Variants in ZNF236 observed in about 807,000 individuals in gnomAD.
ZNF236 encodes zinc finger protein 236, also known as regulated by glucose.
A neutral mutation model predicts 191.2 loss-of-function variants in ZNF236; 50 were observed. That is an observed-to-expected ratio of 0.26 (90% CI 0.21 to 0.33). The LOEUF is 0.33. Among genes scored for constraint, ZNF236 ranks in the 10% least tolerant of loss-of-function variants. ZNF236 has a pLI of 1.00. For missense variants in ZNF236, 1,754 were observed against 2,374.5 expected, an observed-to-expected ratio of 0.74 and a Z score of 5.43; for synonymous variants, 907 against 928.8, an observed-to-expected ratio of 0.98 and a Z score of 0.43.
At chr18:76,839,555 G>C (rs896630543) in intron 1 of ZNF236, among the ~76,000 whole-genome samples, 36 of 152,170 alleles carry the variant, frequency 2.4e-4, no homozygotes, top group Admixed American at 1.8e-3. Context: ...GGCTGAGAGA[G>C]TTTATTTGGC....
At chr18:76,844,437 G>A (rs1231352074) in intron 1 of ZNF236, among the ~76,000 whole-genome samples, 3 of 152,082 alleles carry the variant, frequency 2.0e-5, no homozygotes, top group Non-Finnish European at 2.9e-5. Flanking sequence ...GGGTGACGGA[G>A]TAGGGTTCTG....
chr18:76,843,011 G>A (rs563067165), intron 1 of ZNF236, among the ~76,000 whole-genome samples: 1 of 152,316 alleles, frequency 6.6e-6, no homozygotes, highest in East Asian at 1.9e-4. Flanking sequence ...GGCTGGTGCT[G>A]TTACCCAGTC....
intron 25 of ZNF236, among the ~76,000 whole-genome samples, chr18:76,933,091 G>A (rs893513693): frequency 6.6e-6 from 1 of 152,190 alleles, no homozygotes; most frequent in Non-Finnish European, 1.5e-5. Context: ...ATGTTATGCA[G>A]CTGACATTTC....
intron 5 of ZNF236, 118 bp downstream of exon 5, chr18:76,871,943 CT>C: frequency 7.6e-7 from 1 of 1,312,448 alleles, no homozygotes; most frequent in South Asian, 1.4e-5. Flanking sequence ...GCTGGATAAT[CT>C]TGCTGAAATT....
At chr18:76,923,546 A>G (rs1402782352) in intron 21 of ZNF236, among the ~76,000 whole-genome samples, 1 of 152,252 alleles carries the variant, frequency 6.6e-6, no homozygotes, top group Non-Finnish European at 1.5e-5. Context: ...TTATCATTTC[A>G]TAATTATTTT....
At chr18:76,923,884 G>A (rs1967607352) in intron 21 of ZNF236, among the ~76,000 whole-genome samples, 1 of 152,156 alleles carries the variant, frequency 6.6e-6, no homozygotes, top group Non-Finnish European at 1.5e-5. Flanking sequence ...TTGGCCTTTG[G>A]TAAACACTTA....
chr18:76,930,644 C>T (rs996827773), intron 25 of ZNF236, among the ~76,000 whole-genome samples: 6 of 152,172 alleles, frequency 3.9e-5, no homozygotes, highest in Admixed American at 1.3e-4. Flanking sequence ...CACGGGAAAC[C>T]GCAGCATCGT....
rs376801516 is a variant in ZNF236, at chr18:76,875,668, A to G, written c.840+4A>G. 1 of 1,560,300 alleles carries G rather than the reference A, an allele frequency of 6.4e-7. No individual in the cohort carries two copies. Among genetic ancestry groups the G allele is most frequent in the Non-Finnish European group, 8.7e-7 (1 of 1,147,558 alleles). ...CGTGCAGCGAGTCCACTCAGAGGTAAACACGGGTTGGGGGCATAAGCGGTA... is the reference window on the plus strand; with the variant it reads ...CGTGCAGCGAGTCCACTCAGAGGTAGACACGGGTTGGGGGCATAAGCGGTA... On this transcript the variant is annotated splice_donor_region_variant and intron_variant, in intron 6 of 30. Transcript: ENST00000320610. This position sits in a 1 kb window ranked among gnomAD's most constrained non-coding sequence, Gnocchi z 4.3.
At chr18:76,950,021 T>G (rs1486056009) in intron 27 of ZNF236, among the ~76,000 whole-genome samples, 1 of 152,164 alleles carries the variant, frequency 6.6e-6, no homozygotes, top group Non-Finnish European at 1.5e-5. Flanking sequence ...CTAAAAATGC[T>G]AACGATCACC....
intron 25 of ZNF236, among the ~76,000 whole-genome samples, chr18:76,934,996 C>G (rs1967956281): frequency 6.6e-6 from 1 of 152,116 alleles, no homozygotes; most frequent in South Asian, 2.1e-4. Context: ...ACTTGTATTG[C>G]TCTATACATG....
At chr18:76,916,472 A>G (rs887538493) in intron 19 of ZNF236, among the ~76,000 whole-genome samples, 1 of 152,142 alleles carries the variant, frequency 6.6e-6, no homozygotes, top group Non-Finnish European at 1.5e-5. Context: ...TGGAGGGATT[A>G]ATCTCATTTT....
chr18:76,968,160 A>G (rs951630788), intron 30 of ZNF236, 55 bp from the exon 31 acceptor site: 4 of 1,605,876 alleles, frequency 2.5e-6, no homozygotes, highest in South Asian at 1.1e-5. Context: ...AATAGGAATC[A>G]TTTTGTGCTC....
In ZNF236 at chr18:76,957,974, T is replaced by C. The variant is rs1009913173; in HGVS notation, c.5113-1713T>C. Among the ~76,000 whole-genome samples the C allele has an allele frequency of 2.6e-5, 4 of 152,336 alleles. No homozygotes were observed. The South Asian group carries it at 6.2e-4, about 24-fold the overall frequency. Reference sequence around the variant, plus strand: ...AGAGCTTCTGCACAGCAAAATAAACTATCAGCAGGATTCTTTCTTTTGAAA... The same window carrying C: ...AGAGCTTCTGCACAGCAAAATAAACCATCAGCAGGATTCTTTCTTTTGAAA... On this transcript the variant is annotated intron_variant, in intron 28 of 30. Coordinates refer to ENST00000320610, the MANE Select transcript of ZNF236 (RefSeq NM_001306089.2).
At position 76,925,536 on chromosome 18, in the gene ZNF236, C is replaced by G; in HGVS notation, c.4009C>G (p.Leu1337Val). Residue 1337 changes from leucine (L) to valine (V), a missense_variant, in exon 22 of 31, where the codon CTC (leucine) becomes GTC (valine). Leu to Val is a conservative substitution (Grantham distance 32, BLOSUM62 1). Around this residue, in one of 5 missense-constraint regions of ZNF236, gnomAD observed 606 missense variants for 761.5 expected, o/e 0.80. Coordinates refer to ENST00000320610, the MANE Select transcript of ZNF236 (RefSeq NM_001306089.2). This position sits in a 1 kb window ranked among gnomAD's most constrained non-coding sequence, Gnocchi z 5.7. ...ACCAGGACTGGTGGGCCAAGCTATT[C>G]TCCCTGCCTCTGTGTCAGGTAAACG... ...LQPGLVGQAI[L>V]PASVSAGGDL... 1 of 1,613,144 alleles carries G rather than the reference C, an allele frequency of 6.2e-7. No individual in the cohort carries two copies. Among genetic ancestry groups the G allele is most frequent in the Non-Finnish European group, 8.5e-7 (1 of 1,179,952 alleles).
intron 26 of ZNF236, among the ~76,000 whole-genome samples, chr18:76,937,571 C>G (rs1181016332): frequency 2.6e-5 from 4 of 151,726 alleles, no homozygotes; most frequent in African/African-American, 9.7e-5. Context: ...AGCTGTAATC[C>G]CACCACCCAA....
intron 7 of ZNF236, 124 bp downstream of exon 7, chr18:76,878,276 T>C (rs1255477770): frequency 4.7e-6 from 4 of 858,628 alleles, no homozygotes; most frequent in Non-Finnish European, 6.7e-6. Flanking sequence ...GGAGAAAAGG[T>C]GCTACTTTTT....
chr18:76,936,714 C>T (rs1451249871), intron 25 of ZNF236, among the ~76,000 whole-genome samples: 1 of 152,088 alleles, frequency 6.6e-6, no homozygotes, highest in African/African-American at 2.4e-5. Flanking sequence ...TGCTTCCTTT[C>T]TTCAGCTGGT....
At chr18:76,936,324 G>A (rs1324416315) in intron 25 of ZNF236, 3 of 456,510 alleles carry the variant, frequency 6.6e-6, no homozygotes, top group South Asian at 3.1e-5. Context: ...GCGTGTGTGT[G>A]CCCATGTGTT....
chr18:76,911,703 C>T (rs1470705500), intron 16 of ZNF236, among the ~76,000 whole-genome samples: 1 of 151,680 alleles, frequency 6.6e-6, no homozygotes, highest in Non-Finnish European at 1.5e-5. Flanking sequence ...TCAGTGTGAG[C>T]ATGGATCTAT....
Sources: gnomAD v4.1 joint callset for allele counts (sites outside exome capture counted in the v4.1 genomes callset) on GRCh38, gnomAD v4.1.1 for gene constraint, gnomAD v4.1.1 regional missense constraint, Gnocchi (gnomAD v3.1) non-coding constraint, MANE v1.5 for transcripts, NCBI Gene and HGNC (gene_info 2026-07-23, HGNC 2026-07-21) for gene names.